ERC1: variants seen among roughly 807,000 people sequenced by gnomAD.
ERC1 encodes the protein ELKS/RAB6-interacting/CAST family member 1, also known as RAB6 interacting protein 2.
A neutral mutation model predicts 132.0 loss-of-function variants in ERC1; 56 were observed. The observed-to-expected ratio is 0.42, with a 90% confidence interval of 0.34 to 0.53. ERC1 has a LOEUF of 0.53. ERC1 is among the 20% of genes least tolerant of loss of function. The pLI is 0.03. For missense variants in ERC1, 1,202 were observed against 1,349.9 expected (o/e 0.89, Z 1.72); for synonymous variants, 478 against 476.1 (o/e 1.00, Z -0.05).
chr12:1,474,098 G>C (rs758221939), intron 18 of ERC1, among the ~76,000 whole-genome samples: 31 of 152,292 alleles, frequency 2.0e-4, no homozygotes, highest in Middle Eastern at 3.4e-3. Flanking sequence ...TTCAAGTTAG[G>C]GGCTTGTGGG....
intron 12 of ERC1, among the ~76,000 whole-genome samples, chr12:1,195,538 C>G (rs574479883): frequency 6.6e-6 from 1 of 152,212 alleles, no homozygotes; most frequent in East Asian, 1.9e-4. Flanking sequence ...AAGGAAAAAC[C>G]ACAGGGAGGC....
chr12:1,126,430 A>G (rs1948168509), intron 7 of ERC1, among the ~76,000 whole-genome samples: 1 of 152,206 alleles, frequency 6.6e-6, no homozygotes, highest in Non-Finnish European at 1.5e-5. Flanking sequence ...TACCATATGG[A>G]GAATAAAGTT....
chr12:1,402,614 A>AAC (rs56777839), intron 16 of ERC1, among the ~76,000 whole-genome samples: 8,264 of 144,886 alleles, frequency 0.057, 246 homozygotes, highest in Non-Finnish European at 0.066. Flanking sequence ...TGTAACCCCC[A>AAC]ACACACACAC....
chr12:1,242,595 G>A (rs1290958142), intron 13 of ERC1, among the ~76,000 whole-genome samples: 1 of 152,012 alleles, frequency 6.6e-6, no homozygotes, highest in Non-Finnish European at 1.5e-5. Context: ...TTATGAAAAC[G>A]GAGTCAAATT....
At chr12:1,257,207 TTGCCACTAGCTGCACCACCTTG>T (rs1566404958) in intron 13 of ERC1, 2 of 152,206 alleles carry the variant, frequency 1.3e-5, no homozygotes, top group Non-Finnish European at 2.9e-5. Flanking sequence ...CAGAGGCCTC[TTGCCACTAGCTGCACCACCTTG>T]CCAGCCATGT....
At chr12:1,157,026 A>G (rs1456652155) in intron 8 of ERC1, among the ~76,000 whole-genome samples, 1 of 152,156 alleles carries the variant, frequency 6.6e-6, no homozygotes, top group Non-Finnish European at 1.5e-5. Context: ...CACCAAATTT[A>G]ATAGTACTTT....
chr12:1,351,655 T>C (rs2085009704), intron 15 of ERC1, among the ~76,000 whole-genome samples: 1 of 152,190 alleles, frequency 6.6e-6, no homozygotes, highest in Non-Finnish European at 1.5e-5. Flanking sequence ...TTTATCTTGT[T>C]TTATTTTTGT....
chr12:1,276,242 T>TTTTTC (rs1555341164), intron 14 of ERC1, among the ~76,000 whole-genome samples: 3 of 111,974 alleles, frequency 2.7e-5, no homozygotes, highest in African/African-American at 1.6e-4. Context: ...TTTCTTTTTC[T>TTTTTC]TTTTTTTTTT....
At position 1,239,975 on chromosome 12, in the gene ERC1, A is replaced by G. The variant is rs899882424; in HGVS notation, c.2487+3071A>G. 3.3e-5 allele frequency among the ~76,000 whole-genome samples: 5 copies of G among 152,232 alleles called. 1 individual carries two copies. The highest frequency in any genetic ancestry group is 1.2e-4 in the African/African-American group (5 of 41,466). ...TGGGTGATGATAAAATTCCTGGACC[A>G]GGAACCACATTTTGAAAAATCACTG... On this transcript the variant is annotated intron_variant, in intron 13 of 18. Coordinates refer to ENST00000360905, the MANE Select transcript of ERC1 (RefSeq NM_178040.4).
chr12:1,412,763 T>C (rs2091916659), intron 17 of ERC1, among the ~76,000 whole-genome samples: 1 of 152,224 alleles, frequency 6.6e-6, no homozygotes, highest in South Asian at 2.1e-4. Flanking sequence ...CCTAGGATTA[T>C]TGGATAGATT....
chr12:1,174,643 G>T (rs1953486860), intron 8 of ERC1, among the ~76,000 whole-genome samples: 1 of 152,190 alleles, frequency 6.6e-6, no homozygotes. Context: ...AGAAAGAAGG[G>T]TATTATCCTT....
intron 15 of ERC1, among the ~76,000 whole-genome samples, chr12:1,316,709 T>C (rs1212063167): frequency 6.6e-6 from 1 of 152,156 alleles, no homozygotes; most frequent in Admixed American, 6.5e-5. Context: ...GAAATACCAT[T>C]TGACCCAGCA....
At chr12:1,181,837 A>G (rs913408751) in intron 9 of ERC1, 88 bp from the exon 10 acceptor site, 11 of 1,352,856 alleles carry the variant, frequency 8.1e-6, no homozygotes, top group Non-Finnish European at 1.1e-5. Context: ...TTTTGAATAT[A>G]GAAGTTTGAA....
chr12:1,353,388 A>G (rs1291333926), intron 15 of ERC1, among the ~76,000 whole-genome samples: 1 of 152,196 alleles, frequency 6.6e-6, no homozygotes, highest in African/African-American at 2.4e-5. Context: ...TTTTAAGGAC[A>G]GTTATTTGAA....
intron 12 of ERC1, among the ~76,000 whole-genome samples, chr12:1,233,625 G>A (rs962228055): frequency 6.6e-6 from 1 of 151,870 alleles, no homozygotes; most frequent in African/African-American, 2.4e-5. Context: ...CTAATATTCA[G>A]TATCAAAACA....
chr12:1,250,720 C>A (rs181881339), intron 13 of ERC1, among the ~76,000 whole-genome samples: 28 of 152,294 alleles, frequency 1.8e-4, no homozygotes, highest in African/African-American at 6.3e-4. Flanking sequence ...TGAGCAGTGA[C>A]ACTCAGATAC....
chr12:1,054,540 G>T (rs895065072), intron 2 of ERC1, among the ~76,000 whole-genome samples: 7 of 151,650 alleles, frequency 4.6e-5, no homozygotes, highest in Non-Finnish European at 1.5e-5. Context: ...TCAGCATTTA[G>T]GCAAAACGGA....
intron 8 of ERC1, among the ~76,000 whole-genome samples, chr12:1,151,454 A>C (rs1170624954): frequency 6.6e-6 from 1 of 152,246 alleles, no homozygotes; most frequent in Non-Finnish European, 1.5e-5. Context: ...ATTTGATCTA[A>C]GAAAGACTCA....
intron 8 of ERC1, among the ~76,000 whole-genome samples, chr12:1,145,259 C>T (rs1218260263): frequency 1.3e-5 from 2 of 152,144 alleles, no homozygotes; most frequent in Non-Finnish European, 2.9e-5. Flanking sequence ...TCAGGTGATC[C>T]ACCCGCCTCG....
Sources: allele counts gnomAD v4.1 joint callset (sites outside exome capture counted in the v4.1 genomes callset), GRCh38; gene constraint gnomAD v4.1.1; transcripts MANE v1.5; gene names NCBI Gene and HGNC (gene_info 2026-07-23, HGNC 2026-07-21).